Variants in SOX5 observed in about 807,000 individuals in gnomAD.
The protein encoded by SOX5 is transcription factor SOX-5.
In SOX5, 9 loss-of-function variants were observed where a neutral mutation model predicts 92.0. The observed-to-expected ratio is 0.10, with a 90% confidence interval of 0.06 to 0.17. The LOEUF is 0.17. SOX5 is among the 10% of genes least tolerant of loss of function. The pLI is 1.00. For missense variants in SOX5, 642 were observed against 944.5 expected (o/e 0.68, Z 4.20); for synonymous variants, 344 against 336.3 (o/e 1.02, Z -0.25).
intron 3 of SOX5, among the ~76,000 whole-genome samples, chr12:23,800,204 C>T (rs187108021): frequency 1.1e-3 from 168 of 151,822 alleles, no homozygotes; most frequent in African/African-American, 3.9e-3. Context: ...TATGTGAAAA[C>T]GATATAAAAT....
intron 3 of SOX5, among the ~76,000 whole-genome samples, chr12:23,826,060 C>T (rs2096227094): frequency 6.6e-6 from 1 of 151,952 alleles, no homozygotes; most frequent in African/African-American, 2.4e-5. Flanking sequence ...TTTTAGGGCA[C>T]ATGTGTACAA....
intron 4 of SOX5, among the ~76,000 whole-genome samples, chr12:24,166,363 CAAGAG>C (rs1328585932): frequency 6.6e-6 from 1 of 152,052 alleles, no homozygotes; most frequent in African/African-American, 2.4e-5. Context: ...ACCTCCCGTT[CAAGAG>C]AAAAGTGTGA....
intron 4 of SOX5, among the ~76,000 whole-genome samples, chr12:24,024,217 A>C (rs1375794438): frequency 1.3e-5 from 2 of 152,046 alleles, no homozygotes; most frequent in African/African-American, 4.8e-5. Context: ...AATGGTCAAA[A>C]GCAGTTTATT....
chr12:23,929,593 A>G (rs1459027019), intron 1 of SOX5, among the ~76,000 whole-genome samples: 1 of 151,990 alleles, frequency 6.6e-6, no homozygotes, highest in Non-Finnish European at 1.5e-5. Context: ...AAGAGGAAAA[A>G]AAACAACAAC....
intron 1 of SOX5, among the ~76,000 whole-genome samples, chr12:23,912,278 G>A (rs565370996): frequency 1.3e-5 from 2 of 152,200 alleles, no homozygotes; most frequent in South Asian, 2.1e-4. Context: ...TCAAGGAAAT[G>A]CAAACCAAAA....
chr12:23,922,241 A>G (rs1569002866), intron 1 of SOX5, among the ~76,000 whole-genome samples: 1 of 152,092 alleles, frequency 6.6e-6, no homozygotes, highest in African/African-American at 2.4e-5. Context: ...AGTCTTGATA[A>G]AAAGAAAGAA....
At chr12:24,537,406 A>G (rs1467823334) in intron 1 of SOX5, among the ~76,000 whole-genome samples, 2 of 152,198 alleles carry the variant, frequency 1.3e-5, no homozygotes. Context: ...AACTCATAAA[A>G]TGATAGGTTC....
chr12:24,111,783 CA>C (rs1476933079), intron 4 of SOX5, among the ~76,000 whole-genome samples: 1 of 152,192 alleles, frequency 6.6e-6, no homozygotes, highest in Non-Finnish European at 1.5e-5. Context: ...ATGAGGCCCT[CA>C]AAAACTTTCC....
chr12:24,095,142 GAGAGAGAGAGAGAGACAGAGAC>G (rs1945222632), intron 4 of SOX5, among the ~76,000 whole-genome samples: 1 of 148,382 alleles, frequency 6.7e-6, no homozygotes, highest in Admixed American at 6.7e-5. Context: ...GAGAGAGAGA[GAGAGAGAGAGAGAGACAGAGAC>G]AGAGAGACAG....
intron 3 of SOX5, among the ~76,000 whole-genome samples, chr12:24,250,264 A>T (rs1939766031): frequency 6.6e-6 from 1 of 152,236 alleles, no homozygotes; most frequent in African/African-American, 2.4e-5. Context: ...CATCCTCGAT[A>T]TAATTTATTC....
In SOX5 at chr12:23,533,790, T is replaced by TTTC. The variant is rs1397735662; in HGVS notation, c.*426_*428dup. 2.6e-5 allele frequency: 4 copies of TTTC among 153,226 alleles called. No homozygotes were observed. Among genetic ancestry groups the TTTC allele is most frequent in the Non-Finnish European group, 4.4e-5 (3 of 68,548 alleles). 9.5% of individuals were successfully genotyped at this position (153,226 alleles called of 1,614,324 possible). A position where few individuals can be genotyped will look rare whatever the true frequency, so the allele number is the denominator to read the frequency against. ...ACCCCAAAAAACAAAACAAAACTTT[T>TTTC]TTCTTTTTAAAAATTGTAGCACAAA... On this transcript the variant is annotated 3_prime_UTR_variant, in exon 15 of 15. Coordinates refer to ENST00000451604, the MANE Select transcript of SOX5 (RefSeq NM_006940.6).
At chr12:24,119,176 T>G (rs1948376446) in intron 4 of SOX5, among the ~76,000 whole-genome samples, 1 of 152,148 alleles carries the variant, frequency 6.6e-6, no homozygotes, top group Non-Finnish European at 1.5e-5. Flanking sequence ...TCTCAGGAAC[T>G]ATTAGAACAG....
intron 2 of SOX5, among the ~76,000 whole-genome samples, chr12:23,847,067 T>G (rs1014160452): frequency 1.3e-5 from 2 of 152,264 alleles, no homozygotes; most frequent in East Asian, 3.9e-4. Flanking sequence ...TTGGGGAATA[T>G]TTTGTATAAA....
chr12:23,870,688 T>G (rs1255827803), intron 2 of SOX5, among the ~76,000 whole-genome samples: 1 of 152,308 alleles, frequency 6.6e-6, no homozygotes, highest in East Asian at 1.9e-4. Context: ...TTTAGCTTTG[T>G]AGACCAGGTA....
rs150522805 is a variant in SOX5, at chr12:24,336,443, T to C, written c.-174+32120A>G. ...TTCAGCATAACACATCAGACAATCA[T>C]TCAACACTGTACCAAGAATGTTTTG... On this transcript the variant is annotated intron_variant, in intron 2 of 4. Transcript: ENST00000446891. Among the ~76,000 whole-genome samples the C allele has an allele frequency of 2.0e-3, 304 of 152,160 alleles. 1 individual carries two copies. Among genetic ancestry groups the C allele is most frequent in the African/African-American group, 7.1e-3 (294 of 41,510 alleles).
chr12:24,535,779 A>G (rs1314285987), intron 1 of SOX5, among the ~76,000 whole-genome samples: 2 of 152,218 alleles, frequency 1.3e-5, no homozygotes, highest in East Asian at 3.8e-4. Context: ...GCAATAGAAC[A>G]AAGTTCAGTT....
intron 9 of SOX5, among the ~76,000 whole-genome samples, chr12:23,594,306 T>TC (rs1952029241): frequency 6.6e-6 from 1 of 152,180 alleles, no homozygotes; most frequent in African/African-American, 2.4e-5. Flanking sequence ...ACATTCTTCT[T>TC]CATATCCCTC....
chr12:24,471,339 T>G (rs904913219), intron 1 of SOX5, among the ~76,000 whole-genome samples: 1 of 152,192 alleles, frequency 6.6e-6, no homozygotes, highest in African/African-American at 2.4e-5. Context: ...AAATTTATTA[T>G]TGTCTAAATA....
At chr12:23,868,954 G>T (rs557330591) in intron 2 of SOX5, among the ~76,000 whole-genome samples, 1 of 152,190 alleles carries the variant, frequency 6.6e-6, no homozygotes, top group East Asian at 1.9e-4. Context: ...AGGCCCCCCA[G>T]AATCTGCCCT....
Sources: gnomAD v4.1 joint callset for allele counts (sites outside exome capture counted in the v4.1 genomes callset) on GRCh38, gnomAD v4.1.1 for gene constraint, MANE v1.5 for transcripts, NCBI Gene and HGNC (gene_info 2026-07-23, HGNC 2026-07-21) for gene names.